The following RALGAPA1 variants were observed in gnomAD, a reference collection of about 807,000 sequenced individuals.
The protein encoded by RALGAPA1 is Ral GTPase activating protein catalytic subunit alpha 1, also known as ral GTPase-activating protein subunit alpha-1.
A neutral mutation model predicts 269.6 loss-of-function variants in RALGAPA1; 52 were observed. The ratio of observed to expected loss-of-function variants is 0.19; its 90% CI spans 0.15 to 0.24. The LOEUF (loss-of-function observed/expected upper bound fraction) is 0.24. RALGAPA1 is among the 10% of genes least tolerant of loss of function. The pLI is 1.00. For missense variants in RALGAPA1, 1,917 were observed against 3,013.9 expected, an observed-to-expected ratio of 0.64 and a Z score of 8.52; for synonymous variants, 817 against 1,008.3, an observed-to-expected ratio of 0.81 and a Z score of 3.60.
intron 1 of RALGAPA1, among the ~76,000 whole-genome samples, chr14:35,806,420 C>A (rs572721019): frequency 2.0e-4 from 30 of 152,062 alleles, no homozygotes; most frequent in Middle Eastern, 3.4e-3. Context: ...TTTAAGAAAA[C>A]CCTGACTTCT....
rs140167743 is a variant in RALGAPA1 at position 35,571,810 on chromosome 14, C to T, written c.7368+750G>A. Among the ~76,000 whole-genome samples the T allele has an allele frequency of 7.5e-3, 1,139 of 152,282 alleles. 17 individuals carry two copies. The highest frequency in any genetic ancestry group is 0.026 in the African/African-American group (1,081 of 41,534). ...AGCTTGTGGGTTGTATGAAACCAGG[C>T]TATGGGCCACAGTCTGCTGGCCTCT... is the stretch of plus-strand genomic sequence containing the variant. On this transcript the variant is annotated intron_variant, in intron 38 of 41. Coordinates refer to ENST00000680220, the MANE Select transcript of RALGAPA1 (RefSeq NM_001346249.2).
intron 17 of RALGAPA1, among the ~76,000 whole-genome samples, chr14:35,698,901 A>T (rs1469935038): frequency 6.6e-6 from 1 of 152,224 alleles, no homozygotes; most frequent in Non-Finnish European, 1.5e-5. Flanking sequence ...TTTGTAGCTA[A>T]GCATCATACG....
chr14:35,806,079 T>C (rs912784665), intron 1 of RALGAPA1, among the ~76,000 whole-genome samples: 3 of 152,236 alleles, frequency 2.0e-5, no homozygotes. Flanking sequence ...TCAGGAGATA[T>C]ACATATGTAA....
At position 35,688,592 on chromosome 14, in the gene RALGAPA1, A is replaced by C; in HGVS notation, c.3819T>G (p.Tyr1273Ter). ...GLQQGSLGGV[Y>*]KTVVHALSKP... Reference sequence around the variant, plus strand: ...TCGAAAGAGCATGTACAACAGTTTTATAAACGCCACCCAGGGAGCCCTGCT... The same window carrying C: ...TCGAAAGAGCATGTACAACAGTTTTCTAAACGCCACCCAGGGAGCCCTGCT... Residue 1273 changes from tyrosine (Y) to a stop codon, truncating the protein, a stop_gained, in exon 18 of 42, where the codon TAT becomes TAG. Transcript: ENST00000680220. LOFTEE classifies it high-confidence loss of function. The C allele has an allele frequency of 1.3e-6, 2 of 1,535,868 alleles. No individual in the cohort carries two copies. The highest frequency in any genetic ancestry group is 1.7e-6 in the Non-Finnish European group (2 of 1,146,836).
At chr14:35,707,622 T>TAC (rs1215802435) in intron 16 of RALGAPA1, 7 of 152,198 alleles carry the variant, frequency 4.6e-5, no homozygotes, top group African/African-American at 1.2e-4. Context: ...AATGCAGTAG[T>TAC]CCTCAAAAGA....
intron 31 of RALGAPA1, among the ~76,000 whole-genome samples, chr14:35,637,103 GACAA>G (rs2061708636): frequency 6.6e-6 from 1 of 152,100 alleles, no homozygotes; most frequent in Non-Finnish European, 1.5e-5. Context: ...AGGGGGAGAA[GACAA>G]ACAAACCCAG....
intron 35 of RALGAPA1, among the ~76,000 whole-genome samples, chr14:35,619,187 CTG>C (rs1443183791): frequency 2.6e-5 from 4 of 151,818 alleles, no homozygotes; most frequent in Non-Finnish European, 4.4e-5. Flanking sequence ...AACCAGAAGA[CTG>C]TAAGTGTTAG....
At chr14:35,795,814 C>CAAA (rs35882089) in intron 1 of RALGAPA1, among the ~76,000 whole-genome samples, 1 of 122,284 alleles carries the variant, frequency 8.2e-6, no homozygotes. Context: ...ATTTCTCTAC[C>CAAA]AAAAAAAAAA....
chr14:35,790,777 T>C (rs1210667582), intron 1 of RALGAPA1, among the ~76,000 whole-genome samples: 1 of 152,150 alleles, frequency 6.6e-6, no homozygotes, highest in Non-Finnish European at 1.5e-5. Context: ...GGGCCAATTT[T>C]ATTATTACGT....
intron 37 of RALGAPA1, among the ~76,000 whole-genome samples, chr14:35,593,320 TTGA>T (rs1348204575): frequency 3.3e-5 from 5 of 152,116 alleles, no homozygotes; most frequent in Admixed American, 3.3e-4. Flanking sequence ...CTATAAAACA[TTGA>T]TGATAGAAAT....
At chr14:35,787,976 T>A (rs188416487) in intron 1 of RALGAPA1, among the ~76,000 whole-genome samples, 1 of 152,244 alleles carries the variant, frequency 6.6e-6, no homozygotes, top group Non-Finnish European at 1.5e-5. Flanking sequence ...TTTTTTATTT[T>A]ATTTAATTTT....
Position 35,570,509 on chromosome 14 carries a change from AT to A in RALGAPA1, c.7496+107del, listed in dbSNP as rs1438395818. 1.8e-5 allele frequency: 17 copies of A among 924,896 alleles called. No individual in the cohort carries two copies. In the South Asian group the frequency reaches 3.2e-4, roughly 18 times the overall value. 57.3% of individuals were successfully genotyped at this position (924,896 alleles called of 1,614,324 possible). A position where few individuals can be genotyped will look rare whatever the true frequency, so the allele number is the denominator to read the frequency against. On this transcript the variant is annotated intron_variant, in intron 39 of 41. Transcript: ENST00000680220. ...TACTCCATTTCTACAAAAAATAATA[AT>A]TAAAAAAACCCTAGAAAATAAAAGG...
chr14:35,631,246 A>G (rs1433084568), intron 33 of RALGAPA1, among the ~76,000 whole-genome samples: 1 of 152,182 alleles, frequency 6.6e-6, no homozygotes, highest in Non-Finnish European at 1.5e-5. Flanking sequence ...TTCCCAGCTC[A>G]GTGTTATTTC....
At chr14:35,563,776 T>TA (rs1217034612) in intron 39 of RALGAPA1, among the ~76,000 whole-genome samples, 3 of 152,190 alleles carry the variant, frequency 2.0e-5, no homozygotes, top group Admixed American at 2.0e-4. Context: ...TTGGAACACT[T>TA]ACACTAGCCT....
chr14:35,673,102 G>A (rs2064625179), intron 24 of RALGAPA1, 80 bp from the exon 25 acceptor site: 7 of 1,275,460 alleles, frequency 5.5e-6, no homozygotes, highest in Non-Finnish European at 4.1e-6. Flanking sequence ...TATAGCAAAC[G>A]ATGTATATAA....
chr14:35,757,142 G>A (rs1248164020), intron 6 of RALGAPA1, among the ~76,000 whole-genome samples: 1 of 147,828 alleles, frequency 6.8e-6, no homozygotes, highest in Admixed American at 6.8e-5. Flanking sequence ...TTTTGAGACG[G>A]AGTCTCACTC....
At chr14:35,718,590 C>T (rs551344851) in intron 16 of RALGAPA1, among the ~76,000 whole-genome samples, 229 of 151,876 alleles carry the variant, frequency 1.5e-3, no homozygotes, top group African/African-American at 2.6e-3. Context: ...CCGAGGTGGG[C>T]GGATCACCTA....
At chr14:35,651,904 T>C in intron 30 of RALGAPA1, 31 bp from the exon 31 acceptor site, 1 of 1,539,898 alleles carries the variant, frequency 6.5e-7, no homozygotes, top group East Asian at 2.3e-5. Context: ...TTTTAAAAGC[T>C]CTATATATGT....
chr14:35,748,397 AG>A, intron 10 of RALGAPA1, 187 bp downstream of exon 10: 1 of 353,842 alleles, frequency 2.8e-6, no homozygotes, highest in Non-Finnish European at 4.7e-6. Flanking sequence ...TTTTTTTTTA[AG>A]AGATGCGGTC....
Sources: gnomAD v4.1 joint callset for allele counts (sites outside exome capture counted in the v4.1 genomes callset) on GRCh38, gnomAD v4.1.1 for gene constraint, MANE v1.5 for transcripts, NCBI Gene and HGNC (gene_info 2026-07-23, HGNC 2026-07-21) for gene names.